Variants in LRRC37A2 observed in about 807,000 individuals in gnomAD.
LRRC37A2 encodes leucine rich repeat containing 37 member A2.
A neutral mutation model predicts 68.8 loss-of-function variants in LRRC37A2; 9 were observed. The observed-to-expected ratio is 0.13, with a 90% confidence interval of 0.08 to 0.23. LRRC37A2 has a LOEUF of 0.23. LRRC37A2 is among the 10% of genes least tolerant of loss of function. LRRC37A2 has a pLI of 1.00. For missense variants in LRRC37A2, 168 were observed against 950.4 expected (o/e 0.18, Z 10.82); for synonymous variants, 63 against 367.6 (o/e 0.17, Z 9.48).
chr17:46,997,708 G>A, the LRRC37A2 span, among the ~76,000 whole-genome samples: 4 of 152,174 alleles, frequency 2.6e-5, no homozygotes, highest in Non-Finnish European at 5.9e-5. Context: ...GGTGGCTCAC[G>A]CCTATAATCC....
chr17:46,883,315 G>A, the LRRC37A2 span, among the ~76,000 whole-genome samples: 1 of 134,924 alleles, frequency 7.4e-6, no homozygotes, highest in Non-Finnish European at 1.6e-5. Flanking sequence ...ATGGAGTCTC[G>A]CTTTTGTCAC....
the LRRC37A2 span, among the ~76,000 whole-genome samples, chr17:46,836,243 C>T: frequency 5.0e-3 from 762 of 151,786 alleles, 4 homozygotes; most frequent in African/African-American, 0.018. Flanking sequence ...CAAAAGAGTG[C>T]GGAGGAAGTG....
At chr17:46,721,653 T>C in the LRRC37A2 span, 4 of 1,601,172 alleles carry the variant, frequency 2.5e-6, no homozygotes, top group Non-Finnish European at 3.4e-6. Context: ...CCAGAAAAAG[T>C]TTCAACCTTG....
the LRRC37A2 span, among the ~76,000 whole-genome samples, chr17:46,883,271 T>G: frequency 6.7e-6 from 1 of 149,158 alleles, no homozygotes; most frequent in Non-Finnish European, 1.5e-5. Context: ...CGTGAGCTAC[T>G]GCGCCCGGCC....
the LRRC37A2 span, among the ~76,000 whole-genome samples, chr17:46,928,138 G>A: frequency 1.3e-5 from 2 of 152,024 alleles, no homozygotes; most frequent in Non-Finnish European, 2.9e-5. Flanking sequence ...GCCTGGTCTC[G>A]GACTCTAGCA....
the LRRC37A2 span, among the ~76,000 whole-genome samples, chr17:46,746,471 A>C: frequency 6.6e-6 from 1 of 152,146 alleles, no homozygotes; most frequent in Non-Finnish European, 1.5e-5. Context: ...AATTGAAATT[A>C]TTTTGGTTTC....
chr17:46,744,621 GA>G, the LRRC37A2 span, among the ~76,000 whole-genome samples: 12 of 147,664 alleles, frequency 8.1e-5, 1 homozygote, highest in South Asian at 6.5e-4. Context: ...TTTATTTAGG[GA>G]AAAAAAAAAG....
At chr17:46,913,700 A>G in the LRRC37A2 span, among the ~76,000 whole-genome samples, 1 of 152,200 alleles carries the variant, frequency 6.6e-6, no homozygotes, top group Non-Finnish European at 1.5e-5. Context: ...TTCTCTAGAC[A>G]CCAGGGTGCC....
At chr17:46,761,414 C>G in the LRRC37A2 span, among the ~76,000 whole-genome samples, 22 of 151,662 alleles carry the variant, frequency 1.5e-4, no homozygotes, top group Admixed American at 2.0e-4. Flanking sequence ...TCATTGCAAC[C>G]TCCGCCTCCC....
the LRRC37A2 span, among the ~76,000 whole-genome samples, chr17:46,500,795 C>A: frequency 2.6e-5 from 4 of 151,062 alleles, no homozygotes; most frequent in African/African-American, 9.9e-5. Flanking sequence ...TTTTACTCAT[C>A]TGGATCTTAG....
the LRRC37A2 span, among the ~76,000 whole-genome samples, chr17:46,912,381 G>C: frequency 2.2e-4 from 34 of 152,338 alleles, no homozygotes; most frequent in South Asian, 2.5e-3. Flanking sequence ...GCTGGTAGGG[G>C]TCCAGCTCCC....
the LRRC37A2 span, chr17:46,935,724 CT>C: frequency 1.0e-6 from 1 of 988,780 alleles, no homozygotes; most frequent in Non-Finnish European, 1.2e-6. Context: ...TCTTCACTCC[CT>C]AGCCTTAGGT....
the LRRC37A2 span, among the ~76,000 whole-genome samples, chr17:46,746,296 T>C: frequency 1.3e-5 from 2 of 152,230 alleles, no homozygotes; most frequent in African/African-American, 4.8e-5. Flanking sequence ...GTTAAGCTAA[T>C]GGCTAATTGT....
At chr17:46,768,192 A>C in the LRRC37A2 span, 2 of 1,440,080 alleles carry the variant, frequency 1.4e-6, no homozygotes, top group Non-Finnish European at 9.4e-7. The surrounding 1 kb of genome is among the most constrained non-coding windows in gnomAD (Gnocchi z 5.0). Flanking sequence ...TGGCTGTGGG[A>C]ACTTGTGTGT....
chr17:46,962,201 C>T, the LRRC37A2 span, among the ~76,000 whole-genome samples: 18 of 151,868 alleles, frequency 1.2e-4, no homozygotes, highest in East Asian at 3.9e-4. Flanking sequence ...TGATGGCATG[C>T]GCCTGTAATC....
At chr17:46,997,863 G>A in the LRRC37A2 span, among the ~76,000 whole-genome samples, 5 of 151,714 alleles carry the variant, frequency 3.3e-5, no homozygotes, top group East Asian at 1.9e-4. Flanking sequence ...CCAGCTACTC[G>A]GGAGGCTGAG....
At chr17:46,823,525 AC>A in the LRRC37A2 span, among the ~76,000 whole-genome samples, 1 of 150,532 alleles carries the variant, frequency 6.6e-6, no homozygotes, top group African/African-American at 2.5e-5. Flanking sequence ...TGCAACCTCC[AC>A]CTCCCCATAT....
At chr17:46,902,272 C>G in the LRRC37A2 span, among the ~76,000 whole-genome samples, 1 of 152,254 alleles carries the variant, frequency 6.6e-6, no homozygotes, top group East Asian at 1.9e-4. Context: ...TGCTTTAGAT[C>G]AAGCCCAGTC....
At chr17:46,879,822 C>T in the LRRC37A2 span, among the ~76,000 whole-genome samples, 3 of 152,178 alleles carry the variant, frequency 2.0e-5, no homozygotes, top group African/African-American at 7.2e-5. Flanking sequence ...ATCTGGATGG[C>T]ATGTTGGCAC....
Sources: gnomAD v4.1 joint callset for allele counts (sites outside exome capture counted in the v4.1 genomes callset) on GRCh38, gnomAD v4.1.1 for gene constraint, Gnocchi (gnomAD v3.1) non-coding constraint, MANE v1.5 for transcripts, NCBI Gene and HGNC (gene_info 2026-07-23, HGNC 2026-07-21) for gene names.